Variants in CRACDL observed in about 807,000 individuals in gnomAD.
CRACDL encodes the protein CRACD-like protein.
A neutral mutation model predicts 70.6 loss-of-function variants in CRACDL; 26 were observed. The observed-to-expected ratio is 0.37, with a 90% CI of 0.27 to 0.51. CRACDL has a LOEUF of 0.51. CRACDL is among the 20% of genes least tolerant of loss of function. The pLI is 0.94. For missense variants in CRACDL, 1,283 were observed against 1,376.9 expected (o/e 0.93, Z 1.08); for synonymous variants, 618 against 615.2 (o/e 1.00, Z -0.07).
chr2:98,850,696 A>C (rs1459137461), intron 1 of CRACDL, among the ~76,000 whole-genome samples: 1 of 152,208 alleles, frequency 6.6e-6, no homozygotes, highest in Non-Finnish European at 1.5e-5. Flanking sequence ...AACTTACCAG[A>C]GGGCTGAGCC....
chr2:98,832,189 T>A (rs1207810770), intron 5 of CRACDL, among the ~76,000 whole-genome samples, 159 bp downstream of exon 5: 1 of 152,020 alleles, frequency 6.6e-6, no homozygotes, highest in African/African-American at 2.4e-5. Flanking sequence ...AGAATGAAAA[T>A]AAACACAGCT....
chr2:98,836,990 C>CAGGAGG (rs914168428), intron 3 of CRACDL, among the ~76,000 whole-genome samples: 2 of 151,284 alleles, frequency 1.3e-5, no homozygotes, highest in Non-Finnish European at 2.9e-5. Context: ...GAGGCTGAGG[C>CAGGAGG]AGGAGGATGG....
intron 1 of CRACDL, among the ~76,000 whole-genome samples, chr2:98,858,045 T>C (rs921907670): frequency 6.6e-6 from 1 of 152,122 alleles, no homozygotes; most frequent in Non-Finnish European, 1.5e-5. Context: ...TAAGTGGAAA[T>C]TATGCGATGA....
At chr2:98,833,441 A>G (rs923338804) in intron 3 of CRACDL, among the ~76,000 whole-genome samples, 4 of 152,208 alleles carry the variant, frequency 2.6e-5, no homozygotes, top group Non-Finnish European at 4.4e-5. Context: ...GGCCTGCTTG[A>G]TGAACGCATC....
At chr2:98,818,401 G>T (rs1704878058) in intron 7 of CRACDL, among the ~76,000 whole-genome samples, 1 of 152,184 alleles carries the variant, frequency 6.6e-6, no homozygotes, top group Non-Finnish European at 1.5e-5. Context: ...ACAAGGTGTG[G>T]AAGAGAGGAG....
intron 1 of CRACDL, among the ~76,000 whole-genome samples, chr2:98,892,924 G>C (rs1708016108): frequency 6.6e-6 from 1 of 152,184 alleles, no homozygotes; most frequent in Admixed American, 6.5e-5. Flanking sequence ...CTGCCTCTCC[G>C]AGGGACCTCA....
chr2:98,877,559 A>T (rs1396792607), intron 1 of CRACDL, among the ~76,000 whole-genome samples: 2 of 152,124 alleles, frequency 1.3e-5, no homozygotes, highest in Non-Finnish European at 2.9e-5. Flanking sequence ...CAGCCTGACC[A>T]ATATGGTGAA....
chr2:98,898,775 C>T (rs865930868), intron 1 of CRACDL, among the ~76,000 whole-genome samples: 5 of 152,206 alleles, frequency 3.3e-5, no homozygotes, highest in Admixed American at 2.0e-4. Context: ...GCAACAGAGC[C>T]GCCGCCGCTG....
chr2:98,845,317 C>T (rs1318691682), intron 2 of CRACDL, among the ~76,000 whole-genome samples: 1 of 151,946 alleles, frequency 6.6e-6, no homozygotes, highest in Non-Finnish European at 1.5e-5. Context: ...CCACCTCTGC[C>T]TCCCAAGTAG....
intron 2 of CRACDL, among the ~76,000 whole-genome samples, chr2:98,845,783 AT>A (rs902745860): frequency 2.9e-4 from 44 of 152,030 alleles, no homozygotes; most frequent in Non-Finnish European, 4.1e-4. Flanking sequence ...GTGAAACTCA[AT>A]TTTTTTTCAG....
At chr2:98,928,496 G>A (rs931285928) in intron 1 of CRACDL, among the ~76,000 whole-genome samples, 61 of 152,142 alleles carry the variant, frequency 4.0e-4, no homozygotes, top group African/African-American at 1.4e-3. Context: ...CAGCTGACCA[G>A]ACTTCTTCGT....
At chr2:98,897,382 A>T (rs191958254) in intron 1 of CRACDL, 1 of 1,303,902 alleles carries the variant, frequency 7.7e-7, no homozygotes, top group Admixed American at 2.3e-5. Flanking sequence ...CCTACCTTTT[A>T]TCTTGCACGG....
intron 1 of CRACDL, 139 bp from the exon 2 acceptor site, chr2:98,846,949 A>C: frequency 1.4e-6 from 1 of 695,448 alleles, no homozygotes; most frequent in Non-Finnish European, 2.6e-6. Context: ...AGAGTGCAGC[A>C]CAGTACAGGC....
chr2:98,857,836 T>C (rs1706767696), intron 1 of CRACDL, among the ~76,000 whole-genome samples: 1 of 152,206 alleles, frequency 6.6e-6, no homozygotes, highest in Non-Finnish European at 1.5e-5. Flanking sequence ...TGTATGTATG[T>C]ATGTGTATGT....
At chr2:98,840,264 G>A (rs908009050) in intron 2 of CRACDL, among the ~76,000 whole-genome samples, 7 of 151,920 alleles carry the variant, frequency 4.6e-5, no homozygotes, top group Admixed American at 1.3e-4. Context: ...TTAGACTTAC[G>A]GGTTATTTAG....
chr2:98,922,251 T>C (rs1275832806), intron 1 of CRACDL, among the ~76,000 whole-genome samples: 1 of 151,378 alleles, frequency 6.6e-6, no homozygotes, highest in Non-Finnish European at 1.5e-5. Context: ...CTGACCAACA[T>C]GGTGAAGCCC....
chr2:98,878,797 C>T (rs537886254), intron 1 of CRACDL, among the ~76,000 whole-genome samples: 12 of 152,126 alleles, frequency 7.9e-5, no homozygotes, highest in Admixed American at 4.6e-4. Flanking sequence ...CCCAGCATCA[C>T]GAGAGAAGTA....
chr2:98,855,984 A>G lies in CRACDL; in HGVS notation c.-10-9174T>C, dbSNP rs140126676. On this transcript the variant is annotated intron_variant, in intron 1 of 9. Transcript: ENST00000397899. The stretch of plus-strand genomic sequence containing the variant: ...ACAGAGACTCAGAAAAATTCAAAAC[A>G]TCATTAACTATACAAATATTCAGAA... Among the ~76,000 whole-genome samples the G allele has an allele frequency of 5.9e-3, 903 of 152,304 alleles. 3 individuals are homozygous for G. The highest frequency in any genetic ancestry group is 0.011 in the Non-Finnish European group (732 of 68,022).
intron 7 of CRACDL, among the ~76,000 whole-genome samples, chr2:98,810,128 G>A (rs900661685): frequency 2.6e-5 from 4 of 152,172 alleles, no homozygotes; most frequent in African/African-American, 9.7e-5. Context: ...GCATGGGTAT[G>A]GGTGCTCAAC....
Sources: allele counts gnomAD v4.1 joint callset (sites outside exome capture counted in the v4.1 genomes callset), GRCh38; gene constraint gnomAD v4.1.1; transcripts MANE v1.5; gene names NCBI Gene and HGNC (gene_info 2026-07-23, HGNC 2026-07-21).